LIPC: variants seen among roughly 807,000 people sequenced by gnomAD.
The protein encoded by LIPC is hepatic triacylglycerol lipase.
LIPC carries 44 observed loss-of-function variants against 50.7 expected under a neutral mutation model. The ratio of observed to expected loss-of-function variants is 0.87; its 90% CI spans 0.68 to 1.11. The LOEUF (loss-of-function observed/expected upper bound fraction) is 1.11. LIPC is among the 50% of genes most tolerant of loss of function. The pLI is 0.00. For missense variants in LIPC, 697 were observed against 648.2 expected, an observed-to-expected ratio of 1.08 and a Z score of -0.82; for synonymous variants, 271 against 256.4, an observed-to-expected ratio of 1.06 and a Z score of -0.54.
chr15:58,481,598 T>C lies in LIPC; in HGVS notation c.88+49478T>C, dbSNP rs527452332. Among the ~76,000 whole-genome samples the C allele has an allele frequency of 2.0e-5, 3 of 151,980 alleles. No individual in the cohort carries two copies. The East Asian group carries it at 5.8e-4, about 29-fold the overall frequency. ...CAGGCAGATCACCTGAGGTCAGGAG[T>C]TCAAGACCAGCTTGGCCAACATGGC... is the stretch of plus-strand genomic sequence containing the variant. On this transcript the variant is annotated intron_variant, in intron 1 of 8. Coordinates refer to ENST00000299022, the MANE Select transcript of LIPC (RefSeq NM_000236.3).
chr15:58,567,353 A>G (rs74882802), intron 8 of LIPC, among the ~76,000 whole-genome samples: 255 of 21,490 alleles, frequency 0.012, 2 homozygotes, highest in Non-Finnish European at 0.026. Flanking sequence ...ATGTATATAT[A>G]TATATGTATA....
At chr15:58,494,657 C>T (rs1427690937) in intron 1 of LIPC, 1 of 425,636 alleles carries the variant, frequency 2.3e-6, no homozygotes, top group Non-Finnish European at 4.7e-6. Flanking sequence ...CAATCAGTGC[C>T]AATGTATATT....
chr15:58,538,737 A>G (rs1893225936), intron 2 of LIPC, among the ~76,000 whole-genome samples: 1 of 152,152 alleles, frequency 6.6e-6, no homozygotes, highest in South Asian at 2.1e-4. Context: ...AATTATCTCC[A>G]TGTTTCAGAT....
rs1006403468 is a variant in LIPC, at chr15:58,525,603, A to G, written c.89-12730A>G. ...CAAGGCCTTCTGGGAGAGTCCCAGT[A>G]GGCCATGTCTATGTACCCCTTTGAG... On this transcript the variant is annotated intron_variant, in intron 1 of 8. Transcript: ENST00000299022. Among the ~76,000 whole-genome samples, 5 of 152,208 alleles carry G rather than the reference A, an allele frequency of 3.3e-5. No individual in the cohort carries two copies. The East Asian group carries it at 9.6e-4, about 29-fold the overall frequency.
chr15:58,494,289 G>C (rs1350112047), intron 1 of LIPC, among the ~76,000 whole-genome samples: 3 of 152,208 alleles, frequency 2.0e-5, no homozygotes, highest in African/African-American at 7.2e-5. Flanking sequence ...CAACCCTGGT[G>C]CAATGTGGGA....
intron 1 of LIPC, among the ~76,000 whole-genome samples, chr15:58,482,976 T>C (rs1157054836): frequency 6.6e-6 from 1 of 152,128 alleles, no homozygotes; most frequent in East Asian, 1.9e-4. Flanking sequence ...ATAGCGTCAG[T>C]CAGGGATGTG....
At chr15:58,455,983 G>C (rs888455643) in intron 1 of LIPC, among the ~76,000 whole-genome samples, 29 of 152,144 alleles carry the variant, frequency 1.9e-4, no homozygotes, top group African/African-American at 6.8e-4. Flanking sequence ...CCCCAAGGAA[G>C]GGAAGGGGGT....
chr15:58,441,574 C>T (rs535608643), intron 1 of LIPC, among the ~76,000 whole-genome samples: 1 of 152,282 alleles, frequency 6.6e-6, no homozygotes, highest in Admixed American at 6.5e-5. Flanking sequence ...AATTGCAAGT[C>T]AGTTTCTGTG....
At chr15:58,542,688 TCC>T (rs1276730323) in intron 4 of LIPC, 37 bp downstream of exon 4, 1 of 1,355,594 alleles carries the variant, frequency 7.4e-7, no homozygotes, top group African/African-American at 1.4e-5. Flanking sequence ...TGATCTCCAC[TCC>T]ATAGGGGCAT....
In LIPC at chr15:58,539,238, T is replaced by C. The variant is rs1305322646; in HGVS notation, c.273+721T>C. ...TTATTGAGATATAATTTACAAAGCG[T>C]ACAACTTATCCATTTCAAGTTTACA... On this transcript the variant is annotated intron_variant, in intron 2 of 8. Transcript: ENST00000299022. 2.6e-5 allele frequency among the ~76,000 whole-genome samples: 4 copies of C among 152,358 alleles called. No individual in the cohort carries two copies. The East Asian group carries it at 5.8e-4, about 22-fold the overall frequency.
intron 1 of LIPC, among the ~76,000 whole-genome samples, chr15:58,480,002 A>AG (rs1166259623): frequency 8.5e-4 from 129 of 152,342 alleles, no homozygotes; most frequent in African/African-American, 3.0e-3. Context: ...CCTGGCCCAT[A>AG]GAAGGCACAC....
At chr15:58,494,226 A>G (rs186274409) in intron 1 of LIPC, among the ~76,000 whole-genome samples, 10 of 152,330 alleles carry the variant, frequency 6.6e-5, no homozygotes, top group South Asian at 4.1e-4. Context: ...GTCTTTCACA[A>G]TCTAATCCCA....
At chr15:58,486,331 G>A (rs1891375989) in intron 1 of LIPC, among the ~76,000 whole-genome samples, 1 of 152,132 alleles carries the variant, frequency 6.6e-6, no homozygotes, top group Non-Finnish European at 1.5e-5. Flanking sequence ...TCTGGTTTGT[G>A]GGACTTTGGG....
intron 1 of LIPC, among the ~76,000 whole-genome samples, chr15:58,495,721 G>C (rs1374316371): frequency 6.6e-6 from 1 of 152,168 alleles, no homozygotes; most frequent in African/African-American, 2.4e-5. Flanking sequence ...ACCCAAGCAC[G>C]CTGTCTTGGG....
intron 1 of LIPC, among the ~76,000 whole-genome samples, chr15:58,471,889 G>C (rs12911658): frequency 1.1e-4 from 17 of 152,004 alleles, no homozygotes; most frequent in Non-Finnish European, 2.2e-4. Context: ...GGGCTCCCCA[G>C]TGAAGCTCCC....
intron 1 of LIPC, among the ~76,000 whole-genome samples, chr15:58,504,704 A>T (rs796234541): frequency 3.3e-5 from 5 of 152,324 alleles, no homozygotes; most frequent in African/African-American, 1.2e-4. Flanking sequence ...GGAAATTTCT[A>T]CCATTATTGT....
chr15:58,444,535 G>A (rs551901459), intron 1 of LIPC, among the ~76,000 whole-genome samples: 3 of 152,276 alleles, frequency 2.0e-5, no homozygotes, highest in South Asian at 2.1e-4. Context: ...TGAGAAGTCT[G>A]AGGTCAAGGG....
At chr15:58,434,547 G>A (rs1159326398) in intron 1 of LIPC, among the ~76,000 whole-genome samples, 1 of 152,188 alleles carries the variant, frequency 6.6e-6, no homozygotes, top group Non-Finnish European at 1.5e-5. Flanking sequence ...AGTGCTCTGT[G>A]TCGAGCCCAC....
chr15:58,491,973 G>A (rs1891601177), intron 1 of LIPC, among the ~76,000 whole-genome samples: 1 of 152,180 alleles, frequency 6.6e-6, no homozygotes, highest in Non-Finnish European at 1.5e-5. Context: ...TCCCAGCTCT[G>A]TAGCTGCATT....
Sources: gnomAD v4.1 joint callset for allele counts (sites outside exome capture counted in the v4.1 genomes callset) on GRCh38, gnomAD v4.1.1 for gene constraint, MANE v1.5 for transcripts, NCBI Gene and HGNC (gene_info 2026-07-23, HGNC 2026-07-21) for gene names.